ENTREP2: variants seen among roughly 807,000 people sequenced by gnomAD.
ENTREP2 encodes the protein endosomal transmembrane epsin interactor 2.
chr15:29,182,127 ATT>A, the ENTREP2 span, among the ~76,000 whole-genome samples: 6 of 144,802 alleles, frequency 4.1e-5, no homozygotes, highest in Admixed American at 6.9e-5. Context: ...AAAAAAAAGA[ATT>A]TTTTTTTTTT....
the ENTREP2 span, among the ~76,000 whole-genome samples, chr15:29,136,211 A>C: frequency 6.6e-6 from 1 of 152,160 alleles, no homozygotes; most frequent in African/African-American, 2.4e-5. Context: ...AGAGAGATGA[A>C]TGCATCCGGG....
the ENTREP2 span, among the ~76,000 whole-genome samples, chr15:29,577,293 T>C: frequency 6.9e-6 from 1 of 144,398 alleles, no homozygotes; most frequent in Non-Finnish European, 1.5e-5. Context: ...CCAAATGAAT[T>C]GAAAGCAGGG....
At chr15:29,123,560 C>G in the ENTREP2 span, 3 of 1,551,782 alleles carry the variant, frequency 1.9e-6, no homozygotes, top group Non-Finnish European at 2.6e-6. Context: ...GGGAAGGGCT[C>G]TGGTGTTGGC....
At chr15:29,548,810 T>A in the ENTREP2 span, among the ~76,000 whole-genome samples, 1 of 152,214 alleles carries the variant, frequency 6.6e-6, no homozygotes, top group African/African-American at 2.4e-5. Context: ...TTATCCTCTA[T>A]ACTGGTCTAT....
At chr15:29,277,345 G>GAA in the ENTREP2 span, among the ~76,000 whole-genome samples, 11 of 123,774 alleles carry the variant, frequency 8.9e-5, no homozygotes, top group African/African-American at 2.5e-4. Flanking sequence ...CCGTCTCAAA[G>GAA]AAAAAAAAAA....
At chr15:29,435,430 C>T in the ENTREP2 span, among the ~76,000 whole-genome samples, 1 of 152,250 alleles carries the variant, frequency 6.6e-6, no homozygotes. Flanking sequence ...CATGTTTGAC[C>T]AGCATAGTGC....
the ENTREP2 span, among the ~76,000 whole-genome samples, chr15:29,530,211 C>T: frequency 6.6e-6 from 1 of 152,124 alleles, no homozygotes; most frequent in African/African-American, 2.4e-5. Context: ...CCTTCTCACC[C>T]TAGGGAACTG....
the ENTREP2 span, among the ~76,000 whole-genome samples, chr15:29,538,876 T>C: frequency 6.6e-6 from 1 of 152,158 alleles, no homozygotes; most frequent in Non-Finnish European, 1.5e-5. Context: ...TAAAATTGTG[T>C]TTGTTCCTCC....
chr15:29,624,692 C>G, the ENTREP2 span, among the ~76,000 whole-genome samples: 4 of 152,078 alleles, frequency 2.6e-5, no homozygotes, highest in Non-Finnish European at 4.4e-5. Flanking sequence ...ATTGGAGACC[C>G]ACAGGGACTT....
At chr15:29,314,155 G>A in the ENTREP2 span, among the ~76,000 whole-genome samples, 16 of 152,308 alleles carry the variant, frequency 1.1e-4, no homozygotes, top group African/African-American at 3.8e-4. Context: ...TCTACTCTTG[G>A]TGAAGATACT....
the ENTREP2 span, among the ~76,000 whole-genome samples, chr15:29,582,112 T>G: frequency 6.6e-6 from 1 of 152,132 alleles, no homozygotes; most frequent in Non-Finnish European, 1.5e-5. Context: ...CGGCTAATTT[T>G]TTTGTATTTT....
the ENTREP2 span, among the ~76,000 whole-genome samples, chr15:29,518,268 C>T: frequency 1.3e-5 from 2 of 152,130 alleles, no homozygotes; most frequent in African/African-American, 4.8e-5. Context: ...CACAACACAG[C>T]ATTCTCAACT....
At chr15:29,548,085 T>C in the ENTREP2 span, among the ~76,000 whole-genome samples, 1 of 151,992 alleles carries the variant, frequency 6.6e-6, no homozygotes, top group African/African-American at 2.4e-5. Flanking sequence ...GGGGTAAAAG[T>C]TTCTCAAGAT....
the ENTREP2 span, among the ~76,000 whole-genome samples, chr15:29,145,966 C>T: frequency 6.6e-6 from 1 of 152,080 alleles, no homozygotes; most frequent in Non-Finnish European, 1.5e-5. Context: ...AGCATGGTTT[C>T]AGGATATGAG....
chr15:29,649,749 A>T, the ENTREP2 span, among the ~76,000 whole-genome samples: 1 of 150,748 alleles, frequency 6.6e-6, no homozygotes, highest in Non-Finnish European at 1.5e-5. Flanking sequence ...AAAAAAAGAA[A>T]GAAAGAAAGA....
At chr15:29,378,425 A>G in the ENTREP2 span, among the ~76,000 whole-genome samples, 1 of 152,176 alleles carries the variant, frequency 6.6e-6, no homozygotes, top group Non-Finnish European at 1.5e-5. Flanking sequence ...CAGTACCCAG[A>G]TATGTGGTCA....
At chr15:29,161,070 G>A in the ENTREP2 span, among the ~76,000 whole-genome samples, 1 of 152,182 alleles carries the variant, frequency 6.6e-6, no homozygotes, top group Non-Finnish European at 1.5e-5. Context: ...CATTGGTCAT[G>A]GACCTGACGT....
chr15:29,649,130 C>T, the ENTREP2 span, among the ~76,000 whole-genome samples: 3 of 151,002 alleles, frequency 2.0e-5, no homozygotes, highest in African/African-American at 4.9e-5. Flanking sequence ...TTTGGTGATG[C>T]TATGGGACTG....
At chr15:29,431,704 C>T in the ENTREP2 span, among the ~76,000 whole-genome samples, 1 of 152,064 alleles carries the variant, frequency 6.6e-6, no homozygotes, top group African/African-American at 2.4e-5. Flanking sequence ...GAGAACTCAG[C>T]TTGAGGAAAA....
Sources: gnomAD v4.1 joint callset for allele counts (sites outside exome capture counted in the v4.1 genomes callset) on GRCh38, gnomAD v4.1.1 for gene constraint, MANE v1.5 for transcripts, NCBI Gene and HGNC (gene_info 2026-07-23, HGNC 2026-07-21) for gene names.